The following L3MBTL4 variants were observed in gnomAD, a reference collection of about 807,000 sequenced individuals.
L3MBTL4 encodes the protein lethal(3)malignant brain tumor-like protein 4.
A neutral mutation model predicts 84.5 loss-of-function variants in L3MBTL4; 70 were observed. The observed-to-expected ratio is 0.83, with a 90% CI of 0.68 to 1.01. The LOEUF (loss-of-function observed/expected upper bound fraction) is 1.01. L3MBTL4 is among the 50% of genes least tolerant of loss of function. L3MBTL4 has a pLI of 0.00. For missense variants in L3MBTL4, 715 were observed against 754.8 expected (o/e 0.95, Z 0.62); for synonymous variants, 274 against 259.8 (o/e 1.05, Z -0.52).
intron 1 of L3MBTL4, among the ~76,000 whole-genome samples, chr18:6,368,833 G>GA (rs2054039721): frequency 6.6e-6 from 1 of 152,120 alleles, no homozygotes; most frequent in South Asian, 2.1e-4. Context: ...CTTGAGGTCA[G>GA]GAGTTTGAGA....
intron 1 of L3MBTL4, among the ~76,000 whole-genome samples, chr18:6,361,854 G>A (rs910027210): frequency 2.0e-5 from 3 of 151,996 alleles, no homozygotes; most frequent in Non-Finnish European, 4.4e-5. Flanking sequence ...GGCTGGGCGT[G>A]GTTGCAGTCC....
intron 1 of L3MBTL4, among the ~76,000 whole-genome samples, chr18:6,378,990 T>C (rs1334714547): frequency 6.6e-6 from 1 of 152,200 alleles, no homozygotes; most frequent in Non-Finnish European, 1.5e-5. Context: ...CCTCTCTTAT[T>C]TCCTTGAGCA....
chr18:6,040,809 T>A (rs900840642), intron 16 of L3MBTL4, among the ~76,000 whole-genome samples: 18 of 152,162 alleles, frequency 1.2e-4, no homozygotes, highest in Non-Finnish European at 2.1e-4. Flanking sequence ...TCGACCCTTA[T>A]CCTGCCATTC....
intron 16 of L3MBTL4, among the ~76,000 whole-genome samples, chr18:6,033,815 C>T (rs182410588): frequency 6.6e-6 from 1 of 152,304 alleles, no homozygotes; most frequent in East Asian, 1.9e-4. Flanking sequence ...ACTCTGCTCT[C>T]ACCCTTTTTG....
intron 14 of L3MBTL4, among the ~76,000 whole-genome samples, chr18:6,137,580 TTA>T (rs1396575049): frequency 2.6e-5 from 4 of 152,060 alleles, no homozygotes; most frequent in East Asian, 1.9e-4. Context: ...CAGTCTTAAT[TTA>T]TATATGTTTC....
chr18:6,108,469 G>C (rs572032523), intron 14 of L3MBTL4, among the ~76,000 whole-genome samples: 182 of 152,210 alleles, frequency 1.2e-3, no homozygotes, highest in Admixed American at 2.6e-3. Flanking sequence ...AGATGTGTTA[G>C]TTATACAATC....
At chr18:6,167,253 G>A (rs890674909) in intron 13 of L3MBTL4, among the ~76,000 whole-genome samples, 1 of 152,230 alleles carries the variant, frequency 6.6e-6, no homozygotes, top group Non-Finnish European at 1.5e-5. Flanking sequence ...GAGGTACAAG[G>A]AGGAGCTGGT....
intron 16 of L3MBTL4, among the ~76,000 whole-genome samples, chr18:6,021,752 T>C (rs926274062): frequency 2.6e-5 from 4 of 151,968 alleles, no homozygotes; most frequent in African/African-American, 4.8e-5. Context: ...GTCCCAGTTC[T>C]CCTGGTGCAG....
chr18:6,193,883 T>C (rs2045249272), intron 12 of L3MBTL4, among the ~76,000 whole-genome samples: 1 of 152,182 alleles, frequency 6.6e-6, no homozygotes, highest in South Asian at 2.1e-4. Context: ...CTTGAGCTAT[T>C]TGACCAAAAA....
At chr18:6,233,224 G>A (rs1385473975) in intron 10 of L3MBTL4, among the ~76,000 whole-genome samples, 3 of 151,176 alleles carry the variant, frequency 2.0e-5, no homozygotes, top group Non-Finnish European at 1.5e-5. Flanking sequence ...TACTGAATGG[G>A]CAAAAACTGG....
chr18:6,174,000 C>T, intron 12 of L3MBTL4, among the ~76,000 whole-genome samples: 1 of 152,000 alleles, frequency 6.6e-6, no homozygotes, highest in African/African-American at 2.4e-5. Context: ...TTGACTGAGA[C>T]ACCACAAAGT....
chr18:6,322,520 A>C (rs554711280), intron 1 of L3MBTL4, among the ~76,000 whole-genome samples: 10 of 151,776 alleles, frequency 6.6e-5, no homozygotes, highest in South Asian at 2.1e-4. Flanking sequence ...GAAAAAAAAA[A>C]CAAACAAACA....
chr18:6,220,764 A>ATTTACAT (rs1359809764), intron 10 of L3MBTL4, among the ~76,000 whole-genome samples: 21 of 152,342 alleles, frequency 1.4e-4, no homozygotes, highest in African/African-American at 4.3e-4. Flanking sequence ...TTCCTGAAAC[A>ATTTACAT]TTTACATTTT....
intron 13 of L3MBTL4, among the ~76,000 whole-genome samples, chr18:6,150,892 C>T (rs2042864206): frequency 6.6e-6 from 1 of 152,200 alleles, no homozygotes; most frequent in Non-Finnish European, 1.5e-5. Context: ...GGAGAGAAAG[C>T]TCCCATGATA....
chr18:6,294,529 T>G (rs2050004527), intron 4 of L3MBTL4, among the ~76,000 whole-genome samples: 1 of 152,178 alleles, frequency 6.6e-6, no homozygotes, highest in South Asian at 2.1e-4. Flanking sequence ...AACCTCTGGC[T>G]TTAGGAAGAG....
chr18:6,268,829 C>CGT (rs1053349022), intron 4 of L3MBTL4, among the ~76,000 whole-genome samples: 77 of 151,448 alleles, frequency 5.1e-4, no homozygotes, highest in African/African-American at 1.7e-3. Flanking sequence ...TATGTGTATA[C>CGT]GTGTGTGTGT....
intron 16 of L3MBTL4, among the ~76,000 whole-genome samples, chr18:6,071,764 A>C (rs796103361): frequency 1.6e-5 from 1 of 63,896 alleles, no homozygotes; most frequent in African/African-American, 4.6e-5. Flanking sequence ...AAAGAAAAAA[A>C]GAAAGAAAGA....
chr18:6,363,370 G>T (rs575053789), intron 1 of L3MBTL4, among the ~76,000 whole-genome samples: 1 of 152,208 alleles, frequency 6.6e-6, no homozygotes, highest in East Asian at 1.9e-4. Context: ...GAAGCCCCGT[G>T]TCTTTTCAAC....
At chr18:6,143,926 G>A (rs9948339) in intron 13 of L3MBTL4, among the ~76,000 whole-genome samples, 5,875 of 152,168 alleles carry the variant, frequency 0.039, 379 homozygotes, top group African/African-American at 0.13. Context: ...GGCTGGGCGC[G>A]GTGGCTCACG....
Sources: allele counts gnomAD v4.1 joint callset (sites outside exome capture counted in the v4.1 genomes callset), GRCh38; gene constraint gnomAD v4.1.1; transcripts MANE v1.5; gene names NCBI Gene and HGNC (gene_info 2026-07-23, HGNC 2026-07-21).